ABAT: variants seen among roughly 807,000 people sequenced by gnomAD.
ABAT encodes 4-aminobutyrate aminotransferase, mitochondrial.
Under a neutral mutation model 64.6 loss-of-function variants are expected in ABAT, and 45 were observed. The observed-to-expected ratio is 0.70, with a 90% CI of 0.55 to 0.89. ABAT has a LOEUF of 0.89. ABAT is among the 40% of genes least tolerant of loss of function. ABAT has a pLI of 0.00. For missense variants in ABAT, 633 were observed against 658.4 expected (o/e 0.96, Z 0.42); for synonymous variants, 297 against 250.5 (o/e 1.19, Z -1.75).
rs527835895 is a variant in ABAT, at chr16:8,743,598, T to C, written c.71-2403T>C. 6.2e-3 allele frequency among the ~76,000 whole-genome samples: 894 copies of C among 145,250 alleles called. 15 individuals are homozygous for C. The highest frequency in any genetic ancestry group is 0.021 in the African/African-American group (828 of 39,786). On this transcript the variant is annotated intron_variant, in intron 2 of 15. Transcript: ENST00000268251. Reference sequence around the variant, plus strand: ...AATATATAATATATTTTAGTTGTAATATATAATATATATTTTAGTTATATG... The same window carrying C: ...AATATATAATATATTTTAGTTGTAACATATAATATATATTTTAGTTATATG...
At chr16:8,755,254 G>C (rs74008058) in intron 5 of ABAT, among the ~76,000 whole-genome samples, 3,230 of 152,050 alleles carry the variant, frequency 0.021, 125 homozygotes, top group African/African-American at 0.073. Context: ...TGGTCTTCTC[G>C]ACAGGGAGGT....
intron 6 of ABAT, among the ~76,000 whole-genome samples, chr16:8,763,104 CA>C (rs60199249): frequency 0.78 from 92,168 of 117,650 alleles, 34,907 homozygotes; most frequent in East Asian, 0.93. Flanking sequence ...GACCCTGTAA[CA>C]AAAAAAAAAA....
Position 8,693,570 on chromosome 16 carries a change from G to A in ABAT, c.-42+18859G>A, listed in dbSNP as rs140781004. ...TGCAACCTCCGCCTCCCGGGTTCACGTGATCCTCATGCCTCGGCCTCCTGA... is the reference window on the plus strand; with the variant it reads ...TGCAACCTCCGCCTCCCGGGTTCACATGATCCTCATGCCTCGGCCTCCTGA... On this transcript the variant is annotated intron_variant, in intron 1 of 15. Transcript: ENST00000268251. Among the ~76,000 whole-genome samples the A allele has an allele frequency of 2.7e-3, 410 of 152,182 alleles. 2 individuals are homozygous for A. Among genetic ancestry groups the A allele is most frequent in the African/African-American group, 9.4e-3 (390 of 41,506 alleles).
At chr16:8,689,454 T>G (rs1405894973) in intron 1 of ABAT, among the ~76,000 whole-genome samples, 1 of 152,166 alleles carries the variant, frequency 6.6e-6, no homozygotes, top group African/African-American at 2.4e-5. Context: ...TACTAACAAT[T>G]TGACAAAAAT....
chr16:8,675,155 C>T (rs570341212), intron 1 of ABAT, among the ~76,000 whole-genome samples: 4 of 152,010 alleles, frequency 2.6e-5, no homozygotes, highest in African/African-American at 7.2e-5. Context: ...CCCTCCATGA[C>T]AAATGGAAGC....
intron 1 of ABAT, chr16:8,715,287 G>A (rs1254228233): frequency 6.6e-6 from 1 of 152,074 alleles, no homozygotes; most frequent in Non-Finnish European, 1.5e-5. Flanking sequence ...CAAATGCAAT[G>A]TTTGATCCTA....
Position 8,764,134 on chromosome 16 carries a change from G to T in ABAT, c.432G>T (p.Arg144=). ...LPPENFVEKL[R]QSLLSVAPKG... is the part of the protein sequence containing the mutation. Reference sequence around the variant, plus strand: ...CGGAGAACTTTGTGGAGAAGCTCCGGCAGTCCTTGCTCTCGGTGAGTTCTG... The same window carrying T: ...CGGAGAACTTTGTGGAGAAGCTCCGTCAGTCCTTGCTCTCGGTGAGTTCTG... Residue 144 remains arginine (R), a synonymous_variant, in exon 7 of 16, where the codon CGG becomes CGT. Coordinates refer to ENST00000268251, the MANE Select transcript of ABAT (RefSeq NM_020686.6). This position sits in a 1 kb window ranked among gnomAD's most constrained non-coding sequence, Gnocchi z 4.2. The T allele has an allele frequency of 6.2e-7, 1 of 1,613,446 alleles. No individual in the cohort carries two copies.
chr16:8,732,783 T>C (rs1460053031), intron 1 of ABAT, among the ~76,000 whole-genome samples: 2 of 150,024 alleles, frequency 1.3e-5, no homozygotes, highest in Non-Finnish European at 3.0e-5. Flanking sequence ...GCTCCTCACT[T>C]CCCAGTAGGG....
intron 1 of ABAT, among the ~76,000 whole-genome samples, chr16:8,678,342 C>T (rs576884296): frequency 6.6e-6 from 1 of 152,222 alleles, no homozygotes; most frequent in East Asian, 1.9e-4. Flanking sequence ...ACAACCAAAG[C>T]GCTGGGGTTA....
intron 2 of ABAT, among the ~76,000 whole-genome samples, chr16:8,744,640 T>C (rs1241618557): frequency 1.3e-5 from 2 of 151,976 alleles, no homozygotes; most frequent in Non-Finnish European, 2.9e-5. Context: ...AGTGCTGGGA[T>C]TATAGGTATG....
intron 6 of ABAT, among the ~76,000 whole-genome samples, chr16:8,762,599 T>C (rs753570728): frequency 4.6e-5 from 7 of 152,176 alleles, no homozygotes; most frequent in Non-Finnish European, 8.8e-5. Flanking sequence ...GTCCCAGATA[T>C]CTTCTGTTCT....
At chr16:8,720,546 G>C (rs546957468) in intron 1 of ABAT, among the ~76,000 whole-genome samples, 1 of 152,344 alleles carries the variant, frequency 6.6e-6, no homozygotes, top group South Asian at 2.1e-4. Context: ...GGCTGTTGCA[G>C]CTGAAGTCGG....
At chr16:8,751,872 A>G (rs1258587316) in intron 5 of ABAT, among the ~76,000 whole-genome samples, 1 of 152,084 alleles carries the variant, frequency 6.6e-6, no homozygotes, top group Non-Finnish European at 1.5e-5. Context: ...GACAGGATGG[A>G]CAGGGCTAAA....
intron 1 of ABAT, among the ~76,000 whole-genome samples, chr16:8,703,300 C>T (rs929012270): frequency 2.0e-5 from 3 of 151,758 alleles, no homozygotes; most frequent in Non-Finnish European, 4.4e-5. Flanking sequence ...ACTAAAAATA[C>T]AAAAAATTAG....
chr16:8,759,221 G>A (rs2059729585), intron 6 of ABAT, among the ~76,000 whole-genome samples: 1 of 152,022 alleles, frequency 6.6e-6, no homozygotes, highest in South Asian at 2.1e-4. Flanking sequence ...AACTCTTTTT[G>A]TTATTGGAAC....
intron 6 of ABAT, among the ~76,000 whole-genome samples, chr16:8,759,860 T>G (rs905808541): frequency 6.6e-6 from 1 of 152,142 alleles, no homozygotes; most frequent in Non-Finnish European, 1.5e-5. Context: ...CTCCAGTTCT[T>G]TATTGCCATG....
At chr16:8,687,975 T>C (rs1344003778) in intron 1 of ABAT, among the ~76,000 whole-genome samples, 1 of 152,154 alleles carries the variant, frequency 6.6e-6, no homozygotes, top group Non-Finnish European at 1.5e-5. Flanking sequence ...CGTAGCTTAC[T>C]GCAGCCTCGG....
intron 6 of ABAT, among the ~76,000 whole-genome samples, chr16:8,761,972 T>C (rs2059809295): frequency 7.0e-6 from 1 of 143,126 alleles, no homozygotes; most frequent in Non-Finnish European, 1.5e-5. Flanking sequence ...CTTTCTTCCT[T>C]CTTCTTCCTT....
chr16:8,758,974 A>G (rs888336496), intron 6 of ABAT, among the ~76,000 whole-genome samples: 1 of 152,014 alleles, frequency 6.6e-6, no homozygotes, highest in Non-Finnish European at 1.5e-5. Context: ...TGGTGGTGTG[A>G]GCCTGTAATC....
Sources: allele counts gnomAD v4.1 joint callset (sites outside exome capture counted in the v4.1 genomes callset), GRCh38; gene constraint gnomAD v4.1.1; non-coding constraint Gnocchi (gnomAD v3.1); transcripts MANE v1.5; gene names NCBI Gene and HGNC (gene_info 2026-07-23, HGNC 2026-07-21).